The following OPTN variants were observed in gnomAD, a reference collection of about 807,000 sequenced individuals.
The protein encoded by OPTN is E3-14.7K-interacting protein.
OPTN carries 54 observed loss-of-function variants against 70.4 expected under a neutral mutation model. That is an observed-to-expected ratio of 0.77 (90% CI 0.62 to 0.96). OPTN has a LOEUF of 0.96. OPTN is among the 40% of genes least tolerant of loss of function. The pLI is 0.00. For synonymous variants in OPTN, 256 were observed against 248.5 expected, an observed-to-expected ratio of 1.03 and a Z score of -0.28; for missense variants, 624 against 673.2, an observed-to-expected ratio of 0.93 and a Z score of 0.81.
chr10:13,117,358 G>C (rs948865740), intron 6 of OPTN, among the ~76,000 whole-genome samples: 3 of 150,314 alleles, frequency 2.0e-5, no homozygotes, highest in Non-Finnish European at 4.4e-5. Flanking sequence ...GGGATTACAG[G>C]CATGAGCCAC....
At chr10:13,109,328 G>A in intron 3 of OPTN, 40 bp downstream of exon 3, 2 of 1,609,632 alleles carry the variant, frequency 1.2e-6, no homozygotes, top group African/African-American at 2.7e-5. Flanking sequence ...TTCATCCTGG[G>A]CCTGCAAGAA....
chr10:13,112,152 CTT>C (rs1165425749), intron 4 of OPTN, among the ~76,000 whole-genome samples: 15 of 122,788 alleles, frequency 1.2e-4, no homozygotes, highest in Non-Finnish European at 1.4e-4. Context: ...CCTGGCTTGG[CTT>C]TTTTTTTTTT....
intron 10 of OPTN, among the ~76,000 whole-genome samples, 156 bp from the exon 11 acceptor site, chr10:13,125,790 A>AT (rs1018782921): frequency 2.6e-5 from 4 of 151,988 alleles, no homozygotes; most frequent in Admixed American, 6.6e-5. Flanking sequence ...TTCAGAAAAG[A>AT]TTTTTTTTGA....
At chr10:13,111,234 ACACAGCTTATGAGTC>A (rs1172676049) in intron 4 of OPTN, among the ~76,000 whole-genome samples, 4 of 152,130 alleles carry the variant, frequency 2.6e-5, no homozygotes, top group Non-Finnish European at 5.9e-5. Context: ...GGAATTTTAG[ACACAGCTTATGAGTC>A]CACTGTTGCC....
chr10:13,115,126 T>A (rs1292597228), intron 5 of OPTN, among the ~76,000 whole-genome samples: 112 of 95,680 alleles, frequency 1.2e-3, no homozygotes, highest in Non-Finnish European at 1.7e-3. Context: ...TATATATATA[T>A]AAATTTATAA....
At chr10:13,121,270 T>G (rs1213082639) in intron 7 of OPTN, among the ~76,000 whole-genome samples, 1 of 152,126 alleles carries the variant, frequency 6.6e-6, no homozygotes, top group Non-Finnish European at 1.5e-5. Context: ...TTGTTCTTCT[T>G]TTTAAAGACT....
At chr10:13,136,628 C>A in intron 14 of OPTN, 117 bp from the exon 15 acceptor site, 1 of 1,198,436 alleles carries the variant, frequency 8.3e-7, no homozygotes, top group Non-Finnish European at 1.2e-6. Context: ...GCTCATGTCC[C>A]ACTACGTGTT....
At chr10:13,117,439 G>GTTT (rs1168488076) in intron 6 of OPTN, among the ~76,000 whole-genome samples, 21 of 32,744 alleles carry the variant, frequency 6.4e-4, no homozygotes, top group Admixed American at 9.1e-4. Flanking sequence ...TTGAGATGGA[G>GTTT]TTTTTTTTTT....
At chr10:13,135,834 A>G (rs908019741) in intron 14 of OPTN, among the ~76,000 whole-genome samples, 3 of 152,138 alleles carry the variant, frequency 2.0e-5, no homozygotes, top group Non-Finnish European at 4.4e-5. Context: ...TTACTAGAAC[A>G]TGCATTGTCC....
chr10:13,100,960 G>A (rs1470576581), intron 1 of OPTN, among the ~76,000 whole-genome samples: 1 of 152,236 alleles, frequency 6.6e-6, no homozygotes, highest in Non-Finnish European at 1.5e-5. Flanking sequence ...TTGTAAGGAT[G>A]AAATGGAAAA....
At chr10:13,103,150 G>A (rs1832786817) in intron 1 of OPTN, among the ~76,000 whole-genome samples, 1 of 152,036 alleles carries the variant, frequency 6.6e-6, no homozygotes, top group Admixed American at 6.5e-5. Context: ...GTAATGACGA[G>A]GCTGCTTTTA....
rs1165534025 is a variant in OPTN, at chr10:13,110,341, A to T, written c.234A>T (p.Lys78Asn). The T allele has an allele frequency of 6.2e-7, 1 of 1,614,164 alleles. No individual in the cohort carries two copies. The highest frequency in any genetic ancestry group is 1.7e-5 in the Admixed American group (1 of 60,020). The change falls in exon 4 of 15, where the codon AAA becomes AAT. Residue 78 changes from lysine to asparagine, a missense_variant. Transcript: ENST00000378747. ...AGGAGCTTTCGGCCTGGACAGAGAAACAGAAGGAAGAACGCCAGTTTTTTG... is the reference window on the plus strand; with the variant it reads ...AGGAGCTTTCGGCCTGGACAGAGAATCAGAAGGAAGAACGCCAGTTTTTTG... ...RFEELSAWTEKQKEERQFFEI... is the reference protein window; with the variant it reads ...RFEELSAWTENQKEERQFFEI...
At chr10:13,130,138 C>T (rs1000752897) in intron 12 of OPTN, among the ~76,000 whole-genome samples, 22 of 151,982 alleles carry the variant, frequency 1.4e-4, no homozygotes, top group Non-Finnish European at 2.9e-4. Flanking sequence ...TATAATATGT[C>T]AGAGACGGCC....
rs56147136 is a variant in OPTN, at chr10:13,128,502, C to CTTTTTTTTT, written c.1401+623_1401+631dup. 5.0e-3 allele frequency among the ~76,000 whole-genome samples: 167 copies of CTTTTTTTTT among 33,404 alleles called. 24 individuals are homozygous for CTTTTTTTTT. Among genetic ancestry groups the CTTTTTTTTT allele is most frequent in the Non-Finnish European group, 6.0e-3 (103 of 17,088 alleles). The allele number at this position is 33,404 out of a possible 152,430, so 21.9% of individuals were successfully genotyped here. ...TTGTGAAGTGCCTTATCAAGCCTGCCTTTTTTTTTTTTTTTTTTTTTTTTT... is the reference window on the plus strand; with the variant it reads ...TTGTGAAGTGCCTTATCAAGCCTGCCTTTTTTTTTTTTTTTTTTTTTTTTTTTTTTTTTT... On this transcript the variant is annotated intron_variant, in intron 12 of 14. Coordinates refer to ENST00000378747, the MANE Select transcript of OPTN (RefSeq NM_001008212.2).
intron 7 of OPTN, among the ~76,000 whole-genome samples, chr10:13,119,338 C>T (rs528832664): frequency 1.5e-4 from 23 of 152,156 alleles, no homozygotes; most frequent in Non-Finnish European, 2.8e-4. Context: ...GCTTCTTTCA[C>T]GTAGCATAAT....
At position 13,124,069 on chromosome 10, in the gene OPTN, A is replaced by C; in HGVS notation, c.957A>C (p.Lys319Asn). The stretch of plus-strand genomic sequence containing the variant: ...AGGAGCTTCAAGAGGCTCATACAAA[A>C]CTCAGCGAAGCTGAGCTAATGAAGA... ...LFKELQEAHT[K>N]LSEAELMKKR... Residue 319 changes from lysine to asparagine, a missense_variant, in exon 9 of 15, where the codon AAA becomes AAC. Physicochemically the swap from Lys to Asn is moderately conservative, Grantham distance 94 (BLOSUM62 0). Coordinates refer to ENST00000378747, the MANE Select transcript of OPTN (RefSeq NM_001008212.2). The C allele has an allele frequency of 6.2e-7, 1 of 1,613,656 alleles. No individual in the cohort carries two copies. Among genetic ancestry groups the C allele is most frequent in the Middle Eastern group, 1.7e-4 (1 of 6,060 alleles).
chr10:13,130,925 G>C (rs1833581649), intron 12 of OPTN, among the ~76,000 whole-genome samples: 1 of 151,930 alleles, frequency 6.6e-6, no homozygotes, highest in South Asian at 2.1e-4. Context: ...ATGTTGTGTT[G>C]TTTTGTTTTT....
rs560438634 is a variant in OPTN at position 13,118,939 on chromosome 10, C to T, written c.678C>T (p.Phe226=). Residue 226 remains phenylalanine (F), a synonymous_variant, in exon 7 of 15, where the codon TTC becomes TTT. Transcript: ENST00000378747. The part of the protein sequence containing the change: ...SRSADGAKNY[F]EHEELTVSQL... ...CTGCAGATGGGGCCAAGAATTACTT[C>T]GAACATGAGGAGTTAACTGTGAGCC... 1.9e-5 allele frequency: 31 copies of T among 1,613,774 alleles called. No homozygotes were observed. The highest frequency in any genetic ancestry group is 2.1e-5 in the Non-Finnish European group (25 of 1,179,818).
Position 13,108,250 on chromosome 10 carries a change from A to G in OPTN, c.-51A>G, listed in dbSNP as rs2131478529. The G allele has an allele frequency of 1.3e-5, 2 of 152,350 alleles. No individual in the cohort carries two copies. Among genetic ancestry groups the G allele is most frequent in the Admixed American group, 1.3e-4 (2 of 15,304 alleles). The allele number at this position is 152,350 out of a possible 1,614,324, so 9.4% of individuals were successfully genotyped here. A position where few individuals can be genotyped will look rare whatever the true frequency, so the allele number is the denominator to read the frequency against. ...GCTGCCTGGTTCAGCATTAATGAAGATTAGTCAGTGACAGGCCTGGTGTGC... is the reference window on the plus strand; with the variant it reads ...GCTGCCTGGTTCAGCATTAATGAAGGTTAGTCAGTGACAGGCCTGGTGTGC... On this transcript the variant is annotated 5_prime_UTR_variant, in exon 2 of 15. Coordinates refer to ENST00000378747, the MANE Select transcript of OPTN (RefSeq NM_001008212.2).
Sources: allele counts gnomAD v4.1 joint callset (sites outside exome capture counted in the v4.1 genomes callset), GRCh38; gene constraint gnomAD v4.1.1; transcripts MANE v1.5; gene names NCBI Gene and HGNC (gene_info 2026-07-23, HGNC 2026-07-21).